The following ITPR2 variants were observed in gnomAD, a reference collection of about 807,000 sequenced individuals.
ITPR2 encodes inositol 1,4,5-trisphosphate receptor type 2, also known as inositol 1,4,5-trisphosphate-gated calcium channel ITPR2.
A neutral mutation model predicts 317.1 loss-of-function variants in ITPR2; 207 were observed. The ratio of observed to expected loss-of-function variants is 0.65; its 90% confidence interval spans 0.58 to 0.73. The LOEUF (loss-of-function observed/expected upper bound fraction) is 0.73, where lower values mean the gene tolerates loss of function less well. Among genes scored for constraint, ITPR2 ranks in the 30% least tolerant of loss-of-function variants. The probability of loss-of-function intolerance (pLI) is 0.00; values close to 1 mark genes in which losing one functional copy is unlikely to be tolerated. For synonymous variants in ITPR2, 1,156 were observed against 1,149.1 expected (o/e 1.01, Z -0.12); for missense variants, 2,613 against 3,284.0 (o/e 0.80, Z 4.99).
intron 2 of ITPR2, among the ~76,000 whole-genome samples, chr12:26,778,550 C>A (rs1950019860): frequency 6.6e-6 from 1 of 152,218 alleles, no homozygotes; most frequent in Admixed American, 6.5e-5. Context: ...ATAAGGCCCA[C>A]CAGAAGCAAT....
intron 37 of ITPR2, among the ~76,000 whole-genome samples, chr12:26,536,953 A>G (rs993009975): frequency 6.6e-6 from 1 of 152,144 alleles, no homozygotes; most frequent in East Asian, 1.9e-4. Context: ...CAGGGACAAA[A>G]AGCTTCTTCC....
At chr12:26,624,444 A>C in intron 23 of ITPR2, 88 bp from the exon 24 acceptor site, 2 of 953,096 alleles carry the variant, frequency 2.1e-6, no homozygotes, top group Admixed American at 4.8e-5. Flanking sequence ...ATGTGAAAAT[A>C]TTTTTGTCTT....
intron 13 of ITPR2, among the ~76,000 whole-genome samples, chr12:26,669,396 T>C (rs1227992567): frequency 6.6e-6 from 1 of 152,110 alleles, no homozygotes. Flanking sequence ...GGAAAACGGC[T>C]GAAAATTTCC....
At chr12:26,481,486 G>A (rs149779913) in intron 42 of ITPR2, among the ~76,000 whole-genome samples, 1 of 152,310 alleles carries the variant, frequency 6.6e-6, no homozygotes, top group South Asian at 2.1e-4. Context: ...CTTTTAAAAT[G>A]AACTGTGTTT....
intron 1 of ITPR2, among the ~76,000 whole-genome samples, chr12:26,807,628 A>G (rs2137257038): frequency 6.6e-6 from 1 of 152,330 alleles, no homozygotes; most frequent in Admixed American, 6.5e-5. Flanking sequence ...TTTTTTGTAC[A>G]TATGTTGGTA....
At chr12:26,769,968 G>C (rs1302787946) in intron 2 of ITPR2, among the ~76,000 whole-genome samples, 1 of 152,040 alleles carries the variant, frequency 6.6e-6, no homozygotes, top group Admixed American at 6.6e-5. Context: ...AACACGATTG[G>C]GAATAACTTC....
intron 34 of ITPR2, among the ~76,000 whole-genome samples, chr12:26,562,646 G>A (rs1424547255): frequency 6.6e-6 from 1 of 152,032 alleles, no homozygotes; most frequent in Non-Finnish European, 1.5e-5. Flanking sequence ...GTCTTCCCAG[G>A]TGTGCAGTCA....
intron 34 of ITPR2, among the ~76,000 whole-genome samples, chr12:26,567,068 T>C (rs750510953): frequency 1.3e-5 from 2 of 152,230 alleles, no homozygotes; most frequent in African/African-American, 2.4e-5. Context: ...CAAACAAGTT[T>C]CCACTGACAT....
At chr12:26,606,108 A>C (rs934662065) in intron 26 of ITPR2, among the ~76,000 whole-genome samples, 1 of 152,140 alleles carries the variant, frequency 6.6e-6, no homozygotes, top group Admixed American at 6.5e-5. Flanking sequence ...AAAACCCTGA[A>C]TCTATTCTAA....
chr12:26,546,529 T>C (rs1271864234), intron 37 of ITPR2, among the ~76,000 whole-genome samples: 2 of 152,170 alleles, frequency 1.3e-5, no homozygotes, highest in Admixed American at 1.3e-4. Flanking sequence ...AATGACATGA[T>C]ATCATATTCT....
intron 52 of ITPR2, among the ~76,000 whole-genome samples, chr12:26,409,932 C>T (rs1320206907): frequency 6.6e-6 from 1 of 152,156 alleles, no homozygotes; most frequent in Non-Finnish European, 1.5e-5. Flanking sequence ...TTTGAAATCC[C>T]AAACTCCTAA....
chr12:26,654,104 A>C lies in ITPR2; in HGVS notation c.2612T>G (p.Leu871Arg). 1 of 1,318,896 alleles carries C rather than the reference A, an allele frequency of 7.6e-7. No homozygotes were observed. Among genetic ancestry groups the C allele is most frequent in the South Asian group, 1.3e-5 (1 of 78,920 alleles). 81.7% of individuals were successfully genotyped at this position (1,318,896 alleles called of 1,614,324 possible). Reference sequence around the variant, plus strand: ...GAAACTATAAAATCCAAAGTATATAAGATTCCGAGCCAAGTGGACCACCTT... The same window carrying C: ...GAAACTATAAAATCCAAAGTATATACGATTCCGAGCCAAGTGGACCACCTT... ...TFEVVHLARN[L>R]IYFGFYSFSE... is the part of the protein sequence containing the mutation. The change falls in exon 21 of 57, where the codon CTT (leucine) becomes CGT (arginine). Residue 871 changes from leucine to arginine, a missense_variant. Physicochemically the swap from Leu to Arg is moderately radical, Grantham distance 102. Coordinates refer to ENST00000381340, the MANE Select transcript of ITPR2 (RefSeq NM_002223.4).
At chr12:26,501,103 T>A (rs1943060953) in intron 37 of ITPR2, among the ~76,000 whole-genome samples, 1 of 152,194 alleles carries the variant, frequency 6.6e-6, no homozygotes, top group Non-Finnish European at 1.5e-5. Flanking sequence ...AATTTAAGAC[T>A]TATCCTCAAA....
chr12:26,569,919 C>T (rs1279640947), intron 34 of ITPR2, among the ~76,000 whole-genome samples: 2 of 152,134 alleles, frequency 1.3e-5, no homozygotes, highest in African/African-American at 4.8e-5. Context: ...AAGTCTATTC[C>T]TAGGTATTTA....
chr12:26,518,527 C>T (rs896691568), intron 37 of ITPR2, among the ~76,000 whole-genome samples: 1 of 143,724 alleles, frequency 7.0e-6, no homozygotes, highest in Admixed American at 6.9e-5. Flanking sequence ...TAAATGTTGT[C>T]GGGGAAGGGG....
intron 37 of ITPR2, among the ~76,000 whole-genome samples, chr12:26,529,016 A>C (rs1943881551): frequency 6.6e-6 from 1 of 152,176 alleles, no homozygotes; most frequent in Admixed American, 6.5e-5. Context: ...CCAGAATCCT[A>C]CAACTTCTTG....
rs71452019 is a variant in ITPR2, at chr12:26,507,865, G to C, written c.5074-12605C>G. Among the ~76,000 whole-genome samples, 864 of 120,500 alleles carry C rather than the reference G, an allele frequency of 7.2e-3. 9 individuals carry two copies. The highest frequency in any genetic ancestry group is 0.027 in the African/African-American group (786 of 28,682). 79.1% of individuals were successfully genotyped at this position (120,500 alleles called of 152,430 possible). ...TCTCTACTCTTCTCTCTCTGTCTCTGTGTGTGTGTGTGTGTGTGTGTGTGT... is the reference window on the plus strand; with the variant it reads ...TCTCTACTCTTCTCTCTCTGTCTCTCTGTGTGTGTGTGTGTGTGTGTGTGT... On this transcript the variant is annotated intron_variant, in intron 37 of 56. Transcript: ENST00000381340.
intron 26 of ITPR2, among the ~76,000 whole-genome samples, chr12:26,608,279 C>T (rs1946184271): frequency 1.3e-5 from 2 of 152,286 alleles, no homozygotes; most frequent in East Asian, 1.9e-4. Context: ...AAAAAAAGTT[C>T]GTGCCACTGG....
At chr12:26,479,090 T>C (rs1942485355) in intron 43 of ITPR2, among the ~76,000 whole-genome samples, 1 of 150,470 alleles carries the variant, frequency 6.6e-6, no homozygotes, top group African/African-American at 2.4e-5. Flanking sequence ...TATTGGCCAA[T>C]GTGTACAAAC....
Sources: gnomAD v4.1 joint callset for allele counts (sites outside exome capture counted in the v4.1 genomes callset) on GRCh38, gnomAD v4.1.1 for gene constraint, MANE v1.5 for transcripts, NCBI Gene and HGNC (gene_info 2026-07-23, HGNC 2026-07-21) for gene names.